The following LAMA2 variants were observed in gnomAD, a reference collection of about 807,000 sequenced individuals.
LAMA2 encodes the protein laminin subunit alpha 2.
A neutral mutation model predicts 364.8 loss-of-function variants in LAMA2; 269 were observed. The ratio of observed to expected loss-of-function variants is 0.74; its 90% confidence interval spans 0.67 to 0.82. The LOEUF (loss-of-function observed/expected upper bound fraction) is 0.82. LAMA2 is among the 40% of genes least tolerant of loss of function. LAMA2 has a pLI of 0.00. For missense variants in LAMA2, 3,807 were observed against 3,873.2 expected, an observed-to-expected ratio of 0.98 and a Z score of 0.45; for synonymous variants, 1,379 against 1,370.6, an observed-to-expected ratio of 1.01 and a Z score of -0.14.
intron 1 of LAMA2, among the ~76,000 whole-genome samples, chr6:129,010,565 G>A (rs187242546): frequency 6.6e-6 from 1 of 152,284 alleles, no homozygotes; most frequent in East Asian, 1.9e-4. Flanking sequence ...TAGGGAAAAG[G>A]TGACTCTAAG....
At chr6:129,357,507 CAT>C (rs1777214811) in intron 32 of LAMA2, among the ~76,000 whole-genome samples, 1 of 151,954 alleles carries the variant, frequency 6.6e-6, no homozygotes, top group Admixed American at 6.6e-5. Flanking sequence ...TAAATTCTAA[CAT>C]ATATTTATTT....
At chr6:129,314,001 G>A (rs1043783027) in intron 23 of LAMA2, among the ~76,000 whole-genome samples, 1 of 152,188 alleles carries the variant, frequency 6.6e-6, no homozygotes, top group African/African-American at 2.4e-5. Context: ...GCTTACAATA[G>A]CACCACTGTT....
rs765960304 is a variant in LAMA2, at chr6:129,146,970, G to A, written c.831G>A (p.Ser277=). The stretch of plus-strand genomic sequence containing the variant: ...ATTGCTTTTTGCAGTATTACTACTC[G>A]GTCAAGGATATTTCAGTTGGAGGGA... ...DPIVTRRYYY[S]VKDISVGGMC... The change falls in exon 6 of 65, where the codon TCG becomes TCA. Residue 277 remains serine (S), a synonymous_variant. Coordinates refer to ENST00000421865, the MANE Select transcript of LAMA2 (RefSeq NM_000426.4). The A allele has an allele frequency of 5.6e-5, 90 of 1,608,442 alleles. No homozygotes were observed. The highest frequency in any genetic ancestry group is 3.3e-4 in the Middle Eastern group (2 of 6,050).
chr6:128,910,781 G>A (rs1361414690), intron 1 of LAMA2, among the ~76,000 whole-genome samples: 1 of 150,414 alleles, frequency 6.6e-6, no homozygotes, highest in African/African-American at 2.5e-5. Flanking sequence ...TCTACTTTTG[G>A]TCTTTGATGA....
At chr6:129,079,196 A>G (rs1773864091) in intron 3 of LAMA2, among the ~76,000 whole-genome samples, 1 of 152,188 alleles carries the variant, frequency 6.6e-6, no homozygotes, top group Non-Finnish European at 1.5e-5. Flanking sequence ...ATTACATACA[A>G]AAACATTTTA....
intron 1 of LAMA2, among the ~76,000 whole-genome samples, chr6:129,009,429 C>T (rs1403032296): frequency 6.6e-6 from 1 of 151,926 alleles, no homozygotes; most frequent in East Asian, 1.9e-4. Context: ...CAAAAAGTCA[C>T]AACATGCTTC....
chr6:129,071,697 C>T (rs1773322925), intron 3 of LAMA2, among the ~76,000 whole-genome samples: 1 of 152,134 alleles, frequency 6.6e-6, no homozygotes, highest in Non-Finnish European at 1.5e-5. Flanking sequence ...AATTTCTGAA[C>T]AATTGAGTAT....
At chr6:129,428,107 G>GTTTT (rs1329906933) in intron 41 of LAMA2, among the ~76,000 whole-genome samples, 2 of 152,110 alleles carry the variant, frequency 1.3e-5, no homozygotes, top group African/African-American at 4.8e-5. Flanking sequence ...CTAATGTATA[G>GTTTT]TAACTTTTAG....
chr6:129,142,786 TGG>T (rs1459923034), intron 4 of LAMA2, among the ~76,000 whole-genome samples: 1 of 152,030 alleles, frequency 6.6e-6, no homozygotes, highest in Non-Finnish European at 1.5e-5. Context: ...CCAATATTTG[TGG>T]GGTTTGCCAA....
Position 129,250,219 on chromosome 6 carries a change from G to T in LAMA2, c.1884+6G>T, listed in dbSNP as rs762743459. On this transcript the variant is annotated splice_donor_region_variant and intron_variant, in intron 13 of 64. Transcript: ENST00000421865. ...AGCTTATGATTATCTTAGAGGTAGA[G>T]TACTGAGAGCATGTTCACCCGTGTT... The T allele has an allele frequency of 1.3e-5, 20 of 1,494,624 alleles. No individual in the cohort carries two copies. In the East Asian group the frequency reaches 4.3e-4, roughly 32 times the overall value. 92.6% of individuals were successfully genotyped at this position (1,494,624 alleles called of 1,614,324 possible).
intron 12 of LAMA2, among the ~76,000 whole-genome samples, chr6:129,232,108 G>T (rs1784701338): frequency 6.6e-6 from 1 of 152,036 alleles, no homozygotes; most frequent in Non-Finnish European, 1.5e-5. Context: ...TCTATTTAAA[G>T]AAGACATTTT....
chr6:129,258,998 G>T (rs1195731656), intron 14 of LAMA2, among the ~76,000 whole-genome samples: 1 of 152,070 alleles, frequency 6.6e-6, no homozygotes, highest in Non-Finnish European at 1.5e-5. Flanking sequence ...ATTGCCTTGT[G>T]TTTAGAGGGT....
chr6:129,240,220 C>T (rs1785307443), intron 12 of LAMA2, among the ~76,000 whole-genome samples: 1 of 152,190 alleles, frequency 6.6e-6, no homozygotes, highest in African/African-American at 2.4e-5. Flanking sequence ...ACGCTGGCAG[C>T]TGATTAAATG....
At chr6:129,132,189 C>G (rs1364836134) in intron 4 of LAMA2, among the ~76,000 whole-genome samples, 1 of 144,232 alleles carries the variant, frequency 6.9e-6, no homozygotes, top group South Asian at 2.2e-4. Flanking sequence ...TTTTTTGAGA[C>G]AGAGTCTCGC....
At chr6:129,089,077 C>CG (rs1318116428) in intron 3 of LAMA2, among the ~76,000 whole-genome samples, 5 of 152,184 alleles carry the variant, frequency 3.3e-5, no homozygotes, top group Non-Finnish European at 7.4e-5. Flanking sequence ...CTCGGGAGGC[C>CG]GAGGCTGGCA....
intron 22 of LAMA2, among the ~76,000 whole-genome samples, chr6:129,310,975 G>A (rs1336422562): frequency 6.6e-6 from 1 of 152,106 alleles, no homozygotes; most frequent in East Asian, 1.9e-4. Flanking sequence ...CTGAGAAGCC[G>A]ACTTCAAGGT....
intron 3 of LAMA2, among the ~76,000 whole-genome samples, chr6:129,071,154 G>A (rs1037619254): frequency 3.3e-5 from 5 of 152,150 alleles, no homozygotes; most frequent in African/African-American, 1.2e-4. Flanking sequence ...GTTTAGTTGA[G>A]TTGGGCTTTT....
intron 1 of LAMA2, among the ~76,000 whole-genome samples, chr6:128,914,521 C>T (rs1778187865): frequency 6.6e-6 from 1 of 152,180 alleles, no homozygotes; most frequent in South Asian, 2.1e-4. Flanking sequence ...GGGCCCAGTA[C>T]ATCCTAGTCC....
Position 129,158,001 on chromosome 6 carries a change from C to T in LAMA2, c.1206+3318C>T, listed in dbSNP as rs553979426. Reference sequence around the variant, plus strand: ...GCCCAGGTCAGCAATGCAGCAACTCCCATTTTTCTTGATGAGGATGTTTTT... The same window carrying T: ...GCCCAGGTCAGCAATGCAGCAACTCTCATTTTTCTTGATGAGGATGTTTTT... On this transcript the variant is annotated intron_variant, in intron 8 of 64. Transcript: ENST00000421865. 1.9e-5 allele frequency: 30 copies of T among 1,613,662 alleles called. No individual in the cohort carries two copies. The East Asian group carries it at 6.2e-4, about 34-fold the overall frequency.
Sources: allele counts gnomAD v4.1 joint callset (sites outside exome capture counted in the v4.1 genomes callset), GRCh38; gene constraint gnomAD v4.1.1; transcripts MANE v1.5; gene names NCBI Gene and HGNC (gene_info 2026-07-23, HGNC 2026-07-21).